The following GALNT14 variants were observed in gnomAD, a reference collection of about 807,000 sequenced individuals.
GALNT14 encodes the protein UDP-GalNAc:polypeptide N-acetylgalactosaminyltransferase 14.
In GALNT14, 60 loss-of-function variants were observed where a neutral mutation model predicts 77.5. The ratio of observed to expected loss-of-function variants is 0.77; its 90% CI spans 0.63 to 0.96. The LOEUF is 0.96. GALNT14 is among the 40% of genes least tolerant of loss of function. The pLI, the probability that GALNT14 is intolerant of heterozygous loss-of-function variation, is 0.00. For synonymous variants in GALNT14, 280 were observed against 281.7 expected (o/e 0.99, Z 0.06); for missense variants, 710 against 731.0 (o/e 0.97, Z 0.33).
intron 13 of GALNT14, among the ~76,000 whole-genome samples, chr2:30,913,447 C>T (rs926450816): frequency 2.0e-5 from 3 of 152,242 alleles, no homozygotes; most frequent in South Asian, 4.1e-4. Context: ...GACAAGGTGT[C>T]CCCCAGGCAG....
In GALNT14 at chr2:31,100,222, A is replaced by G. The variant is rs61295059; in HGVS notation, c.129+37736T>C. Among the ~76,000 whole-genome samples, 744 of 152,186 alleles carry G rather than the reference A, an allele frequency of 4.9e-3. 6 individuals are homozygous for G. The highest frequency in any genetic ancestry group is 0.014 in the African/African-American group (589 of 41,558). ...GTGACTTTAAGCACAATGATGTACA[A>G]TAAGTCCTTGAATACCATTTCCTTC... On this transcript the variant is annotated intron_variant, in intron 1 of 14. Coordinates refer to ENST00000349752, the MANE Select transcript of GALNT14 (RefSeq NM_024572.4).
chr2:30,974,505 A>G (rs941891773), intron 2 of GALNT14, among the ~76,000 whole-genome samples: 4 of 152,060 alleles, frequency 2.6e-5, no homozygotes, highest in Non-Finnish European at 4.4e-5. Context: ...TGCCCTCTGC[A>G]CTCTCAAAGT....
In GALNT14 at chr2:31,061,357, C is replaced by T. The variant is rs545007685; in HGVS notation, c.130-68350G>A. On this transcript the variant is annotated intron_variant, in intron 1 of 14. Coordinates refer to ENST00000349752, the MANE Select transcript of GALNT14 (RefSeq NM_024572.4). ...TGTTATAGGTTTATTAATTTTACTTCCAAAATCTCTGGCATTCACCCCCTC... is the reference window on the plus strand; with the variant it reads ...TGTTATAGGTTTATTAATTTTACTTTCAAAATCTCTGGCATTCACCCCCTC... Among the ~76,000 whole-genome samples, 6 of 152,220 alleles carry T rather than the reference C, an allele frequency of 3.9e-5. No individual in the cohort carries two copies. The East Asian group carries it at 1.2e-3, about 29-fold the overall frequency.
At chr2:30,902,808 T>C in the GALNT14 span, among the ~76,000 whole-genome samples, 134 of 152,214 alleles carry the variant, frequency 8.8e-4, 2 homozygotes, top group Admixed American at 7.8e-4. Context: ...GACAGGCACA[T>C]ACACTGAGGG....
intron 1 of GALNT14, among the ~76,000 whole-genome samples, chr2:31,118,772 T>C (rs929127560): frequency 6.6e-6 from 1 of 152,146 alleles, no homozygotes; most frequent in Non-Finnish European, 1.5e-5. Context: ...ATTTTGATAA[T>C]GATGTGATTT....
At chr2:31,069,432 CCA>C (rs1003379633) in intron 1 of GALNT14, among the ~76,000 whole-genome samples, 2 of 152,326 alleles carry the variant, frequency 1.3e-5, no homozygotes, top group African/African-American at 4.8e-5. Context: ...TTGTATTTCC[CCA>C]GTTATTCTTC....
At chr2:31,034,559 T>C (rs188166964) in intron 1 of GALNT14, among the ~76,000 whole-genome samples, 1 of 125,324 alleles carries the variant, frequency 8.0e-6, no homozygotes, top group Non-Finnish European at 1.7e-5. Context: ...AGTTGTTTTG[T>C]TTTTTTTTGA....
rs1404402835 is a variant in GALNT14 at position 30,955,611 on chromosome 2, C to A, written c.654+7G>T. On this transcript the variant is annotated splice_region_variant and intron_variant, in intron 6 of 14. Coordinates refer to ENST00000349752, the MANE Select transcript of GALNT14 (RefSeq NM_024572.4). ...GAGGCCCGGCCCTGCTCCTCAGCCT[C>A]ACTCACCTCTTTGACCCTGTGCAAC... 6.2e-7 allele frequency: 1 copy of A among 1,613,832 alleles called. No individual in the cohort carries two copies. The highest frequency in any genetic ancestry group is 1.1e-5 in the South Asian group (1 of 91,058).
chr2:30,952,710 T>TGTAACTAA (rs1312467175), intron 6 of GALNT14, among the ~76,000 whole-genome samples: 1 of 150,226 alleles, frequency 6.7e-6, no homozygotes, highest in Non-Finnish European at 1.5e-5. Flanking sequence ...TGTATACATA[T>TGTAACTAA]GTAACTAACC....
At chr2:31,022,425 G>A (rs1324045481) in intron 1 of GALNT14, among the ~76,000 whole-genome samples, 1 of 152,156 alleles carries the variant, frequency 6.6e-6, no homozygotes, top group African/African-American at 2.4e-5. Context: ...GACCCATTAT[G>A]CAGGCCTACA....
At chr2:31,011,293 A>G (rs1049431253) in intron 1 of GALNT14, among the ~76,000 whole-genome samples, 1 of 152,222 alleles carries the variant, frequency 6.6e-6, no homozygotes, top group Non-Finnish European at 1.5e-5. Context: ...TTAGCACTCA[A>G]AAAAGAATAG....
intron 1 of GALNT14, among the ~76,000 whole-genome samples, chr2:31,100,253 C>T (rs1229165706): frequency 6.6e-6 from 1 of 151,920 alleles, no homozygotes; most frequent in East Asian, 1.9e-4. Context: ...CCTTCAACAT[C>T]TTTTTGTTAT....
intron 1 of GALNT14, among the ~76,000 whole-genome samples, chr2:31,076,986 G>T (rs924901289): frequency 1.3e-5 from 2 of 152,192 alleles, no homozygotes; most frequent in African/African-American, 4.8e-5. Context: ...CAACAGCACT[G>T]ATTGTAGATG....
chr2:30,970,521 C>T (rs533871040), intron 2 of GALNT14, among the ~76,000 whole-genome samples: 13 of 152,242 alleles, frequency 8.5e-5, no homozygotes, highest in African/African-American at 1.4e-4. Flanking sequence ...CCGGCCCGCA[C>T]GCCAGGTTCA....
At chr2:30,969,015 G>A (rs1668183179) in intron 2 of GALNT14, among the ~76,000 whole-genome samples, 1 of 152,150 alleles carries the variant, frequency 6.6e-6, no homozygotes, top group African/African-American at 2.4e-5. Context: ...AGAGCATGGA[G>A]GGGCTTGGAG....
intron 1 of GALNT14, among the ~76,000 whole-genome samples, chr2:31,092,119 T>C (rs1676774958): frequency 6.6e-6 from 1 of 152,152 alleles, no homozygotes. Context: ...ACTTTGGCCA[T>C]AGACTGAAGC....
Position 31,046,266 on chromosome 2 carries a change from G to A in GALNT14, c.130-53259C>T, listed in dbSNP as rs571266488. On this transcript the variant is annotated intron_variant, in intron 1 of 14. Transcript: ENST00000349752. Reference sequence around the variant, plus strand: ...TTTTGAGATGGAGTCTCGCTCTGTCGCCCAGGCTGGAGTGCAGCGGCACAA... The same window carrying A: ...TTTTGAGATGGAGTCTCGCTCTGTCACCCAGGCTGGAGTGCAGCGGCACAA... Among the ~76,000 whole-genome samples the A allele has an allele frequency of 2.5e-4, 35 of 142,590 alleles. 1 individual carries two copies. The highest frequency in any genetic ancestry group is 1.0e-3 in the East Asian group (5 of 4,784). The allele number at this position is 142,590 out of a possible 152,430, so 93.5% of individuals were successfully genotyped here.
chr2:31,020,236 A>T (rs548336244), intron 1 of GALNT14, among the ~76,000 whole-genome samples: 3 of 152,346 alleles, frequency 2.0e-5, no homozygotes, highest in East Asian at 3.9e-4. Context: ...CTCAGTCCAC[A>T]GAACTGTATT....
chr2:31,078,871 G>T, intron 1 of GALNT14: 2 of 1,273,584 alleles, frequency 1.6e-6, no homozygotes, highest in Non-Finnish European at 2.1e-6. Context: ...GCAGGGGAAA[G>T]TAGGGCAAAG....
Sources: gnomAD v4.1 joint callset for allele counts (sites outside exome capture counted in the v4.1 genomes callset) on GRCh38, gnomAD v4.1.1 for gene constraint, MANE v1.5 for transcripts, NCBI Gene and HGNC (gene_info 2026-07-23, HGNC 2026-07-21) for gene names.